The following GPHN variants were observed in gnomAD, a reference collection of about 807,000 sequenced individuals.
GPHN encodes gephyrin.
Under a neutral mutation model 95.5 loss-of-function variants are expected in GPHN, and 17 were observed. The observed-to-expected ratio is 0.18, with a 90% CI of 0.12 to 0.27. The LOEUF (loss-of-function observed/expected upper bound fraction) is 0.27. Among genes scored for constraint, GPHN ranks in the 10% least tolerant of loss-of-function variants. GPHN has a pLI of 1.00. For missense variants in GPHN, 660 were observed against 978.1 expected (o/e 0.67, Z 4.34); for synonymous variants, 320 against 322.5 (o/e 0.99, Z 0.08).
At chr14:67,580,921 T>C in the GPHN span, 5 of 1,561,052 alleles carry the variant, frequency 3.2e-6, no homozygotes, top group Non-Finnish European at 4.4e-6. Flanking sequence ...CTGACTTTCT[T>C]CTTTTGCCTT....
intron 2 of GPHN, among the ~76,000 whole-genome samples, chr14:66,705,141 A>G (rs2068948647): frequency 6.6e-6 from 1 of 152,398 alleles, no homozygotes; most frequent in South Asian, 2.1e-4. Context: ...TGAATTGACC[A>G]ATAACAAGTT....
At chr14:67,407,311 T>G in the GPHN span, among the ~76,000 whole-genome samples, 1 of 151,876 alleles carries the variant, frequency 6.6e-6, no homozygotes, top group African/African-American at 2.4e-5. Context: ...TTAGTAGAGA[T>G]GGGGTTTCAC....
At chr14:66,815,482 A>G (rs577217150) in intron 3 of GPHN, among the ~76,000 whole-genome samples, 1 of 152,326 alleles carries the variant, frequency 6.6e-6, no homozygotes, top group Admixed American at 6.5e-5. Context: ...TTGAAACCCT[A>G]CAAGCTAGAA....
At chr14:66,960,893 C>G (rs2068856660) in intron 8 of GPHN, among the ~76,000 whole-genome samples, 1 of 152,082 alleles carries the variant, frequency 6.6e-6, no homozygotes, top group African/African-American at 2.4e-5. Flanking sequence ...AACCCTCACT[C>G]CCAGGTTTTT....
At chr14:67,320,237 CA>C in the GPHN span, 1 of 1,606,558 alleles carries the variant, frequency 6.2e-7, no homozygotes, top group Non-Finnish European at 8.5e-7. Context: ...AAGATTATGA[CA>C]ACGAGGAGAT....
the GPHN span, chr14:67,323,786 T>C: frequency 6.3e-7 from 1 of 1,590,350 alleles, no homozygotes; most frequent in Non-Finnish European, 8.6e-7. Context: ...TCGGGCATTA[T>C]TGGCCAAAGA....
chr14:67,163,060 C>A (rs117803128), intron 19 of GPHN, among the ~76,000 whole-genome samples: 1,831 of 152,190 alleles, frequency 0.012, 19 homozygotes, highest in Non-Finnish European at 0.018. Context: ...AATCCCAGTA[C>A]TTTGGGAGGC....
chr14:66,773,847 T>C (rs6573724), intron 2 of GPHN, among the ~76,000 whole-genome samples: 47,423 of 152,042 alleles, frequency 0.31, 11,433 homozygotes, highest in African/African-American at 0.65. Context: ...GCTGGGATTA[T>C]TGGCGTGAGC....
chr14:66,767,441 G>GA (rs375844697), intron 2 of GPHN, among the ~76,000 whole-genome samples: 4,000 of 96,862 alleles, frequency 0.041, 76 homozygotes, highest in East Asian at 0.081. Context: ...TTTTTGAACA[G>GA]AAAAAAAAAA....
the GPHN span, chr14:67,678,547 C>T: frequency 2.4e-5 from 15 of 623,916 alleles, no homozygotes; most frequent in Non-Finnish European, 3.7e-5. Context: ...TTCACAGGGC[C>T]AGTGTTTGTC....
At position 67,023,812 on chromosome 14, in the gene GPHN, T is replaced by C. The variant is rs2073788423; in HGVS notation, c.1006+137T>C. ...TATGAATATTAGGGCTTTTACCTTC[T>C]AAAAATATTGCCAGTATCAATACAT... On this transcript the variant is annotated intron_variant, in intron 10 of 22. Coordinates refer to ENST00000478722, the MANE Select transcript of GPHN (RefSeq NM_020806.5). The C allele has an allele frequency of 3.7e-5, 27 of 733,094 alleles. No homozygotes were observed. In the South Asian group the frequency reaches 4.2e-4, roughly 11 times the overall value. 45.4% of individuals were successfully genotyped at this position (733,094 alleles called of 1,614,324 possible).
chr14:67,332,988 T>A, the GPHN span: 3 of 1,579,812 alleles, frequency 1.9e-6, no homozygotes, highest in African/African-American at 4.0e-5. Context: ...ATGTTGGACT[T>A]GATCTGGCAA....
chr14:67,733,387 A>G, the GPHN span, among the ~76,000 whole-genome samples: 6 of 152,344 alleles, frequency 3.9e-5, no homozygotes, highest in East Asian at 9.6e-4. Flanking sequence ...GAACTGTAGT[A>G]GTAGTAGTGA....
chr14:67,401,880 T>C, the GPHN span, among the ~76,000 whole-genome samples: 1 of 152,114 alleles, frequency 6.6e-6, no homozygotes, highest in Non-Finnish European at 1.5e-5. Context: ...TTCCAACATT[T>C]TGGGAGGCCG....
At chr14:67,317,628 T>C in the GPHN span, 715 of 521,752 alleles carry the variant, frequency 1.4e-3, no homozygotes, top group Non-Finnish European at 1.9e-3. Context: ...AGGCAGTGTT[T>C]TGAATTCTGG....
chr14:66,687,885 A>C (rs958330565), intron 2 of GPHN, among the ~76,000 whole-genome samples: 1 of 152,160 alleles, frequency 6.6e-6, no homozygotes, highest in African/African-American at 2.4e-5. Flanking sequence ...GTTTGTGTAG[A>C]GATCTTTCAC....
chr14:66,641,411 G>GCCTCATTATATA (rs2064402843), intron 1 of GPHN, among the ~76,000 whole-genome samples: 1 of 152,098 alleles, frequency 6.6e-6, no homozygotes, highest in Non-Finnish European at 1.5e-5. Flanking sequence ...GGGTTTCTCA[G>GCCTCATTATATA]GATATAGCCT....
intron 1 of GPHN, among the ~76,000 whole-genome samples, chr14:66,596,982 T>G (rs986502733): frequency 1.3e-5 from 2 of 152,202 alleles, no homozygotes; most frequent in Non-Finnish European, 2.9e-5. Flanking sequence ...GTCCCTGCTC[T>G]GAAGAGGTAC....
the GPHN span, among the ~76,000 whole-genome samples, chr14:67,400,740 C>A: frequency 6.6e-6 from 1 of 151,990 alleles, no homozygotes; most frequent in Non-Finnish European, 1.5e-5. Flanking sequence ...GTAATCCCAG[C>A]ACTTCGGGAG....
Sources: gnomAD v4.1 joint callset for allele counts (sites outside exome capture counted in the v4.1 genomes callset) on GRCh38, gnomAD v4.1.1 for gene constraint, MANE v1.5 for transcripts, NCBI Gene and HGNC (gene_info 2026-07-23, HGNC 2026-07-21) for gene names.